Variants in PHLDB2 observed in about 807,000 individuals in gnomAD.
PHLDB2 encodes pleckstrin homology-like domain family B member 2.
Under a neutral mutation model 123.6 loss-of-function variants are expected in PHLDB2, and 71 were observed. The ratio of observed to expected loss-of-function variants is 0.57; its 90% confidence interval spans 0.47 to 0.70. The LOEUF is 0.70. Among genes scored for constraint, PHLDB2 ranks in the 30% least tolerant of loss-of-function variants. The pLI is 0.00. For synonymous variants in PHLDB2, 547 were observed against 541.6 expected (o/e 1.01, Z -0.14); for missense variants, 1,446 against 1,519.5 (o/e 0.95, Z 0.80).
chr3:111,878,229 G>T (rs1007888617), intron 1 of PHLDB2, among the ~76,000 whole-genome samples: 1 of 152,070 alleles, frequency 6.6e-6, no homozygotes, highest in African/African-American at 2.4e-5. Flanking sequence ...TTATTTCTTT[G>T]AGCAGTGGTT....
intron 1 of PHLDB2, among the ~76,000 whole-genome samples, chr3:111,839,492 A>C (rs2063571369): frequency 6.6e-6 from 1 of 152,202 alleles, no homozygotes. Context: ...AGCTTTTAAC[A>C]TTTGAAGTTA....
chr3:111,831,199 G>A (rs1335208596), intron 1 of PHLDB2, among the ~76,000 whole-genome samples: 2 of 152,086 alleles, frequency 1.3e-5, no homozygotes, highest in Non-Finnish European at 2.9e-5. Context: ...AAATATTTTA[G>A]GGACTTCTGC....
At chr3:111,760,282 T>A (rs1255072160) in intron 1 of PHLDB2, among the ~76,000 whole-genome samples, 4 of 152,230 alleles carry the variant, frequency 2.6e-5, no homozygotes, top group African/African-American at 7.2e-5. Flanking sequence ...TTTACATTTT[T>A]AAAATTCCTA....
intron 1 of PHLDB2, among the ~76,000 whole-genome samples, chr3:111,777,569 G>T (rs1282961473): frequency 6.6e-6 from 1 of 151,970 alleles, no homozygotes; most frequent in African/African-American, 2.4e-5. Context: ...AGGCACTTTG[G>T]TTCCACATAA....
chr3:111,814,575 C>G (rs1483772211), intron 1 of PHLDB2, among the ~76,000 whole-genome samples: 1 of 150,744 alleles, frequency 6.6e-6, no homozygotes, highest in East Asian at 1.9e-4. Flanking sequence ...ACATAGATGT[C>G]TGCATGGTTC....
intron 8 of PHLDB2, among the ~76,000 whole-genome samples, chr3:111,941,310 C>G (rs1418954233): frequency 1.3e-5 from 2 of 152,154 alleles, no homozygotes; most frequent in African/African-American, 4.8e-5. Flanking sequence ...CAATAAGACA[C>G]CAAACATTAA....
At chr3:111,877,147 T>C (rs2065671634) in intron 1 of PHLDB2, among the ~76,000 whole-genome samples, 1 of 152,260 alleles carries the variant, frequency 6.6e-6, no homozygotes. Flanking sequence ...ATCACCACAC[T>C]GACTTCCACA....
intron 1 of PHLDB2, among the ~76,000 whole-genome samples, chr3:111,780,299 AAGAGGAAGAG>A: frequency 5.1e-4 from 1 of 1,956 alleles, no homozygotes; most frequent in African/African-American, 6.0e-4. Flanking sequence ...GAAGAAGAGG[AAGAGGAAGAG>A]GAAGAGGAAG....
chr3:111,923,764 A>G (rs1241360313), intron 5 of PHLDB2, among the ~76,000 whole-genome samples: 3 of 152,174 alleles, frequency 2.0e-5, no homozygotes, highest in Non-Finnish European at 4.4e-5. Context: ...CATTCAGTTG[A>G]TTACCAGCTT....
chr3:111,808,275 C>T (rs1054994692), intron 1 of PHLDB2, among the ~76,000 whole-genome samples: 1 of 152,112 alleles, frequency 6.6e-6, no homozygotes, highest in African/African-American at 2.4e-5. Flanking sequence ...ACCACAGAGA[C>T]TAGCTGTACC....
chr3:111,868,348 T>C (rs1384254496), intron 1 of PHLDB2, among the ~76,000 whole-genome samples: 1 of 152,136 alleles, frequency 6.6e-6, no homozygotes, highest in East Asian at 1.9e-4. Flanking sequence ...AGATGGATTG[T>C]TCAAAACAGG....
At chr3:111,814,731 T>C (rs1273205308) in intron 1 of PHLDB2, among the ~76,000 whole-genome samples, 25 of 151,914 alleles carry the variant, frequency 1.6e-4, no homozygotes, top group Non-Finnish European at 3.5e-4. Flanking sequence ...CAGGCTGTCC[T>C]CATGGCAGAA....
intron 1 of PHLDB2, among the ~76,000 whole-genome samples, chr3:111,754,214 G>T (rs2059839285): frequency 6.7e-6 from 1 of 148,738 alleles, no homozygotes; most frequent in Non-Finnish European, 1.5e-5. Flanking sequence ...GATGGGGATG[G>T]CACTGAATCT....
At chr3:111,773,541 A>G (rs558273525) in intron 1 of PHLDB2, among the ~76,000 whole-genome samples, 1 of 152,282 alleles carries the variant, frequency 6.6e-6, no homozygotes, top group Admixed American at 6.5e-5. Flanking sequence ...TGCTCTCTCA[A>G]GCACTTTGCA....
At position 111,974,491 on chromosome 3, in the gene PHLDB2, G is replaced by A. The variant is rs142225277; in HGVS notation, c.3690G>A (p.Ser1230=). 5.0e-6 allele frequency: 8 copies of A among 1,613,474 alleles called. No individual in the cohort carries two copies. In the African/African-American group the frequency reaches 8.0e-5, roughly 16 times the overall value. ...HDRIYYMVAP[S]PEAMRIWMDV... ...GAATCTATTATATGGTAGCCCCATC[G>A]CCAGAAGCCATGCGGATCTGGATGG... The change falls in exon 18 of 18, where the codon TCG becomes TCA. Residue 1230 remains serine, a synonymous_variant. Transcript: ENST00000431670.
intron 1 of PHLDB2, among the ~76,000 whole-genome samples, chr3:111,786,358 A>G (rs189794322): frequency 8.5e-5 from 13 of 152,318 alleles, no homozygotes; most frequent in Admixed American, 8.5e-4. Flanking sequence ...TTGATGCAGA[A>G]CCCACAGATA....
At position 111,880,123 on chromosome 3, in the gene PHLDB2, C is replaced by A. The variant is rs145445982; in HGVS notation, c.-14-3941C>A. On this transcript the variant is annotated intron_variant, in intron 1 of 17. Coordinates refer to ENST00000431670, the MANE Select transcript of PHLDB2 (RefSeq NM_001134438.2). ...CAGCGGATATGTATTATTTTAGGCT[C>A]CATGGCTTTCATGGCCTTTTCTATA... 1.1e-4 allele frequency among the ~76,000 whole-genome samples: 17 copies of A among 151,824 alleles called. No homozygotes were observed. In the East Asian group the frequency reaches 3.3e-3, roughly 30 times the overall value.
intron 13 of PHLDB2, 100 bp downstream of exon 13, chr3:111,962,412 A>G (rs1189409784): frequency 1.9e-6 from 2 of 1,027,506 alleles, no homozygotes; most frequent in South Asian, 1.6e-5. Context: ...CACAAGCCCA[A>G]ATTTTTGAGA....
intron 1 of PHLDB2, among the ~76,000 whole-genome samples, chr3:111,798,235 T>C (rs1034726298): frequency 6.6e-6 from 1 of 152,202 alleles, no homozygotes; most frequent in African/African-American, 2.4e-5. Flanking sequence ...CCAAATTTTC[T>C]ATCTTAAAAA....
Sources: gnomAD v4.1 joint callset for allele counts (sites outside exome capture counted in the v4.1 genomes callset) on GRCh38, gnomAD v4.1.1 for gene constraint, MANE v1.5 for transcripts, NCBI Gene and HGNC (gene_info 2026-07-23, HGNC 2026-07-21) for gene names.